XKR6: variants seen among roughly 807,000 people sequenced by gnomAD.
XKR6 encodes the protein XK-related protein 6.
XKR6 carries 22 observed loss-of-function variants against 56.7 expected under a neutral mutation model. That is an observed-to-expected ratio of 0.39 (90% CI 0.28 to 0.55). The LOEUF (loss-of-function observed/expected upper bound fraction) is 0.55. Among genes scored for constraint, XKR6 ranks in the 20% least tolerant of loss-of-function variants. The pLI, the probability that XKR6 is intolerant of heterozygous loss-of-function variation, is 0.66. For synonymous variants in XKR6, 524 were observed against 387.8 expected (o/e 1.35, Z -4.13); for missense variants, 852 against 889.0 (o/e 0.96, Z 0.53).
chr8:11,043,151 T>C (rs1208269593), intron 1 of XKR6, among the ~76,000 whole-genome samples: 4 of 151,880 alleles, frequency 2.6e-5, no homozygotes, highest in Non-Finnish European at 5.9e-5. Context: ...TTTAAACCTA[T>C]ACAATATAAA....
At chr8:10,985,032 C>G (rs1189556404) in intron 1 of XKR6, among the ~76,000 whole-genome samples, 2 of 151,922 alleles carry the variant, frequency 1.3e-5, no homozygotes, top group African/African-American at 2.4e-5. Flanking sequence ...CTCCACCTCC[C>G]AGGCTCAAGC....
chr8:10,897,175 T>G lies in XKR6; in HGVS notation c.*777A>C, dbSNP rs1006006280. On this transcript the variant is annotated 3_prime_UTR_variant, in exon 3 of 3. Transcript: ENST00000416569. ...GCCTTCAAGTAGCTTCTCCAGCCAT[T>G]TGAGTTTCAAACAGCCCTTGAGCTC... is the stretch of plus-strand genomic sequence containing the variant. The G allele has an allele frequency of 1.3e-5, 2 of 152,670 alleles. No individual in the cohort carries two copies. The highest frequency in any genetic ancestry group is 2.9e-5 in the Non-Finnish European group (2 of 68,042). 9.5% of individuals were successfully genotyped at this position (152,670 alleles called of 1,614,324 possible).
chr8:11,103,801 A>AT (rs1798576025), intron 1 of XKR6, among the ~76,000 whole-genome samples: 1 of 152,308 alleles, frequency 6.6e-6, no homozygotes, highest in South Asian at 2.1e-4. Context: ...ATCATGTCAT[A>AT]TTTTAGGCAA....
At chr8:11,180,938 A>C (rs1802941059) in intron 1 of XKR6, among the ~76,000 whole-genome samples, 1 of 152,340 alleles carries the variant, frequency 6.6e-6, no homozygotes, top group African/African-American at 2.4e-5. Flanking sequence ...TGTTGTAACA[A>C]TTCATTATGA....
At chr8:10,905,521 T>G (rs1178460696) in intron 2 of XKR6, among the ~76,000 whole-genome samples, 1 of 152,150 alleles carries the variant, frequency 6.6e-6, no homozygotes, top group Non-Finnish European at 1.5e-5. Context: ...ATCCTGACAT[T>G]TGCATGCTCA....
At chr8:10,910,024 C>T (rs1431607337) in intron 2 of XKR6, among the ~76,000 whole-genome samples, 1 of 151,824 alleles carries the variant, frequency 6.6e-6, no homozygotes, top group Non-Finnish European at 1.5e-5. Context: ...CCAGAATCAC[C>T]CATTTAACTA....
rs924728890 is a variant in XKR6 at position 11,200,650 on chromosome 8, C to G, written c.690G>C (p.Ala230=). Residue 230 remains alanine, a synonymous_variant, in exon 1 of 3, where the codon GCG becomes GCC. Coordinates refer to ENST00000416569, the MANE Select transcript of XKR6 (RefSeq NM_173683.4). This position sits in a 1 kb window ranked among gnomAD's most constrained non-coding sequence, Gnocchi z 6.4. ...PGVRVSPTPG[A]QRLCRLSVWI... is the part of the protein sequence containing the mutation. ...ACACGGAGAGGCGACACAGGCGCTG[C>G]GCCCCCGGCGTGGGGGAGACCCTCA... 6.4e-7 allele frequency: 1 copy of G among 1,550,570 alleles called. No homozygotes were observed. The highest frequency in any genetic ancestry group is 8.6e-7 in the Non-Finnish European group (1 of 1,159,734).
At chr8:11,151,785 T>C (rs1801282807) in intron 1 of XKR6, among the ~76,000 whole-genome samples, 1 of 152,080 alleles carries the variant, frequency 6.6e-6, no homozygotes, top group African/African-American at 2.4e-5. Context: ...CCTTTTAAAA[T>C]GCTATTACAA....
chr8:11,033,107 G>C (rs1050328812), intron 1 of XKR6, among the ~76,000 whole-genome samples: 1 of 151,404 alleles, frequency 6.6e-6, no homozygotes, highest in Non-Finnish European at 1.5e-5. Context: ...ATGATGAAGA[G>C]GATGAAGATT....
At chr8:11,191,997 T>C (rs1803605471) in intron 1 of XKR6, among the ~76,000 whole-genome samples, 1 of 152,120 alleles carries the variant, frequency 6.6e-6, no homozygotes, top group African/African-American at 2.4e-5. Flanking sequence ...ATAGGATATG[T>C]GTTAAATACA....
At chr8:10,914,379 C>T (rs1381553495) in intron 2 of XKR6, among the ~76,000 whole-genome samples, 1 of 152,162 alleles carries the variant, frequency 6.6e-6, no homozygotes, top group East Asian at 1.9e-4. Flanking sequence ...CGTGAAACTC[C>T]TGGGCTTTCC....
intron 2 of XKR6, among the ~76,000 whole-genome samples, chr8:10,919,402 G>A (rs1416480838): frequency 6.6e-6 from 1 of 152,168 alleles, no homozygotes; most frequent in Non-Finnish European, 1.5e-5. Flanking sequence ...AATTGTTTTT[G>A]TGCTGTGTCC....
chr8:11,201,019 G>C lies in XKR6; in HGVS notation c.321C>G (p.Pro107=), dbSNP rs765568300. The part of the protein sequence containing the change: ...PPAAPGAGRQ[P]PTPSAARPEP... ...CCGGCCGCGCGGCCGAGGGCGTCGG[G>C]GGTTGGCGGCCGGCGCCGGGGGCCG... The change falls in exon 1 of 3, where the codon CCC becomes CCG. Residue 107 remains proline (P), a synonymous_variant. Transcript: ENST00000416569. 2.9e-4 allele frequency: 363 copies of C among 1,231,472 alleles called. No individual in the cohort carries two copies. Among genetic ancestry groups the C allele is most frequent in the Non-Finnish European group, 3.6e-4 (354 of 990,242 alleles). The allele number at this position is 1,231,472 out of a possible 1,614,324, so 76.3% of individuals were successfully genotyped here.
chr8:11,126,083 T>G (rs2116875038), intron 1 of XKR6: 1 of 152,830 alleles, frequency 6.5e-6, no homozygotes, highest in South Asian at 2.1e-4. Context: ...TGTTTTGTTT[T>G]TTTGAGACAG....
rs61138077 is a variant in XKR6, at chr8:10,984,695, GCTCTCTCT to G, written c.765-59873_765-59866del. 3.5e-3 allele frequency among the ~76,000 whole-genome samples: 198 copies of G among 56,328 alleles called. 1 individual carries two copies. Among genetic ancestry groups the G allele is most frequent in the African/African-American group, 0.011 (170 of 15,696 alleles). The allele number at this position is 56,328 out of a possible 152,430, so 37.0% of individuals were successfully genotyped here. On this transcript the variant is annotated intron_variant, in intron 1 of 2. Coordinates refer to ENST00000416569, the MANE Select transcript of XKR6 (RefSeq NM_173683.4). ...AGTAACACAAAAGATAAAATACATGGCTCTCTCTCTCTCTCTCTCTCTCTCTCTCTCTC... is the reference window on the plus strand; with the variant it reads ...AGTAACACAAAAGATAAAATACATGGCTCTCTCTCTCTCTCTCTCTCTCTC...
At chr8:11,092,610 C>T (rs1403853385) in intron 1 of XKR6, among the ~76,000 whole-genome samples, 3 of 152,126 alleles carry the variant, frequency 2.0e-5, no homozygotes, top group East Asian at 3.8e-4. Flanking sequence ...AGGGAGCTGG[C>T]CATGGTCCTG....
At chr8:11,143,430 C>T (rs897398525) in intron 1 of XKR6, among the ~76,000 whole-genome samples, 3 of 152,194 alleles carry the variant, frequency 2.0e-5, no homozygotes, top group African/African-American at 4.8e-5. Context: ...CTGCATTCTG[C>T]TGCCAATCTG....
intron 1 of XKR6, chr8:11,109,548 G>C (rs1029800328): frequency 3.3e-5 from 5 of 152,190 alleles, no homozygotes; most frequent in African/African-American, 1.2e-4. Flanking sequence ...ACCCGGCATG[G>C]ACCATCTCAT....
intron 1 of XKR6, among the ~76,000 whole-genome samples, chr8:11,132,003 G>T (rs566858440): frequency 4.6e-5 from 7 of 152,190 alleles, no homozygotes; most frequent in African/African-American, 1.7e-4. Flanking sequence ...CCCTAGTGCT[G>T]CTGGCCCGAA....
Sources: allele counts gnomAD v4.1 joint callset (sites outside exome capture counted in the v4.1 genomes callset), GRCh38; gene constraint gnomAD v4.1.1; non-coding constraint Gnocchi (gnomAD v3.1); transcripts MANE v1.5; gene names NCBI Gene and HGNC (gene_info 2026-07-23, HGNC 2026-07-21).